FAM167A: variants seen among roughly 807,000 people sequenced by gnomAD.
The protein encoded by FAM167A is family with sequence similarity 167 member A.
In FAM167A, 23 loss-of-function variants were observed where a neutral mutation model predicts 14.9. The observed-to-expected ratio is 1.55, with a 90% CI of 1.11 to 2.19. FAM167A has a LOEUF of 2.19. FAM167A is among the 30% of genes most tolerant of loss of function. The probability of loss-of-function intolerance (pLI) is 0.00; values close to 1 mark genes in which losing one functional copy is unlikely to be tolerated. For missense variants in FAM167A, 401 were observed against 281.5 expected (o/e 1.42, Z -3.04); for synonymous variants, 174 against 117.7 (o/e 1.48, Z -3.10).
chr8:11,446,829 C>G lies in FAM167A; in HGVS notation c.-397-2021G>C, dbSNP rs532861655. Reference sequence around the variant, plus strand: ...TTCTGGGGCCCCTCCCAGGCGCCGTCTGCCTCTTTGCTGAGGTGCCAGGAT... The same window carrying G: ...TTCTGGGGCCCCTCCCAGGCGCCGTGTGCCTCTTTGCTGAGGTGCCAGGAT... On this transcript the variant is annotated intron_variant, in intron 1 of 2. Transcript: ENST00000284486. Among the ~76,000 whole-genome samples the G allele has an allele frequency of 2.0e-5, 3 of 152,386 alleles. No individual in the cohort carries two copies. The South Asian group carries it at 6.2e-4, about 32-fold the overall frequency.
At chr8:11,445,890 G>C (rs1024049448) in intron 1 of FAM167A, among the ~76,000 whole-genome samples, 4 of 152,058 alleles carry the variant, frequency 2.6e-5, no homozygotes, top group South Asian at 2.1e-4. Context: ...AATGATGTTT[G>C]AGATAAAGCT....
intron 2 of FAM167A, among the ~76,000 whole-genome samples, chr8:11,435,268 G>C (rs1350909394): frequency 6.6e-6 from 1 of 152,172 alleles, no homozygotes; most frequent in Non-Finnish European, 1.5e-5. Context: ...TCTCCCTGCA[G>C]AGGGGATGAC....
chr8:11,427,887 C>G (rs2116995124), intron 2 of FAM167A, among the ~76,000 whole-genome samples: 1 of 152,256 alleles, frequency 6.6e-6, no homozygotes, highest in Non-Finnish European at 1.5e-5. Context: ...TAGAATAGCA[C>G]CAAATTAATG....
chr8:11,434,588 C>A (rs990236082), intron 2 of FAM167A, among the ~76,000 whole-genome samples: 1 of 152,168 alleles, frequency 6.6e-6, no homozygotes, highest in African/African-American at 2.4e-5. Context: ...TTAAGCTCTA[C>A]CCCTGTGATC....
chr8:11,434,777 C>T (rs1269424114), intron 2 of FAM167A: 4 of 321,922 alleles, frequency 1.2e-5, no homozygotes, highest in South Asian at 5.3e-5. Context: ...GGACAGGTGG[C>T]ATGTGCCCTA....
chr8:11,464,314 G>T (rs545249079), intron 1 of FAM167A, among the ~76,000 whole-genome samples: 1 of 152,312 alleles, frequency 6.6e-6, no homozygotes, highest in African/African-American at 2.4e-5. Flanking sequence ...GCTGAGACCT[G>T]CGGCCTACCT....
At chr8:11,433,692 C>G (rs1423608028) in intron 2 of FAM167A, among the ~76,000 whole-genome samples, 3 of 152,118 alleles carry the variant, frequency 2.0e-5, no homozygotes, top group African/African-American at 4.8e-5. Context: ...TGTCTGGTCC[C>G]TTAAAGTCAG....
intron 2 of FAM167A, among the ~76,000 whole-genome samples, chr8:11,442,358 G>A (rs925430772): frequency 2.0e-5 from 3 of 152,262 alleles, no homozygotes; most frequent in South Asian, 2.1e-4. Flanking sequence ...TCGGTGTGGC[G>A]TAGGCTTTGG....
chr8:11,474,065 G>A (rs531441410), intron 1 of FAM167A, among the ~76,000 whole-genome samples: 79 of 152,198 alleles, frequency 5.2e-4, no homozygotes, highest in Admixed American at 1.0e-3. Context: ...AGTAGAGATG[G>A]GGTTTCACCA....
At chr8:11,442,433 G>A (rs1337902923) in intron 2 of FAM167A, among the ~76,000 whole-genome samples, 3 of 152,300 alleles carry the variant, frequency 2.0e-5, no homozygotes, top group East Asian at 3.9e-4. Context: ...AGGACGATAA[G>A]CAGGACAAAT....
At chr8:11,432,886 A>G (rs1805711126) in intron 2 of FAM167A, among the ~76,000 whole-genome samples, 1 of 152,212 alleles carries the variant, frequency 6.6e-6, no homozygotes, top group Non-Finnish European at 1.5e-5. Context: ...TGCAGCCATA[A>G]AAAAGGATGA....
chr8:11,423,861 C>G lies in FAM167A; in HGVS notation c.*512G>C, dbSNP rs1306928796. 3 of 157,578 alleles carry G rather than the reference C, an allele frequency of 1.9e-5. No individual in the cohort carries two copies. In the South Asian group the frequency reaches 5.7e-4, roughly 30 times the overall value. The allele number at this position is 157,578 out of a possible 1,614,324, so 9.8% of individuals were successfully genotyped here. ...CCTTTCGATTTTCCCTTCCTAGTAG[C>G]TCCCTGTCAATGTTGCTGAGTCATG... On this transcript the variant is annotated 3_prime_UTR_variant, in exon 3 of 3. Coordinates refer to ENST00000284486, the MANE Select transcript of FAM167A (RefSeq NM_053279.3).
Position 11,424,607 on chromosome 8 carries a change from C to A in FAM167A, c.411G>T (p.Leu137=), listed in dbSNP as rs940693820. The change falls in exon 3 of 3, where the codon CTG becomes CTT. Residue 137 remains leucine (L), a synonymous_variant. Coordinates refer to ENST00000284486, the MANE Select transcript of FAM167A (RefSeq NM_053279.3). ...LTEMRLQDQQ[L]ARQLMRLRGD... ...CACGCAGGCGCATGAGCTGTCTGGC[C>A]AGTTGCTGGTCCTGCAGCCGCATCT... is the stretch of plus-strand genomic sequence containing the variant. The A allele has an allele frequency of 1.9e-6, 3 of 1,613,880 alleles. No individual in the cohort carries two copies. In the Admixed American group the frequency reaches 5.0e-5, roughly 27 times the overall value.
At chr8:11,456,669 G>C (rs1807325922) in intron 1 of FAM167A, among the ~76,000 whole-genome samples, 1 of 151,826 alleles carries the variant, frequency 6.6e-6, no homozygotes, top group African/African-American at 2.4e-5. Flanking sequence ...CTCTGGGTAT[G>C]GCTAGGGCTG....
upstream of FAM167A, among the ~76,000 whole-genome samples, chr8:11,472,477 T>C (rs1399133039): frequency 1.3e-5 from 2 of 149,550 alleles, no homozygotes; most frequent in African/African-American, 5.0e-5. Flanking sequence ...TCTCTCTCTG[T>C]TGCCCAGGCT....
At chr8:11,425,237 C>T (rs1317486315) in intron 2 of FAM167A, among the ~76,000 whole-genome samples, 1 of 152,196 alleles carries the variant, frequency 6.6e-6, no homozygotes, top group Non-Finnish European at 1.5e-5. Context: ...GGTCTATTAA[C>T]ATGCAACAGT....
At chr8:11,451,937 T>A (rs1807041985) in intron 1 of FAM167A, among the ~76,000 whole-genome samples, 1 of 152,230 alleles carries the variant, frequency 6.6e-6, no homozygotes, top group Admixed American at 6.5e-5. Context: ...ATAATGTCAT[T>A]TTCTCTTGCT....
At chr8:11,467,228 G>T (rs765636620), upstream of FAM167A, among the ~76,000 whole-genome samples, 6 of 152,272 alleles carry the variant, frequency 3.9e-5, no homozygotes, top group South Asian at 2.1e-4. Flanking sequence ...GGCATCTCTG[G>T]CTGCCAGATG....
upstream of FAM167A, among the ~76,000 whole-genome samples, chr8:11,469,826 G>T (rs543370772): frequency 7.2e-5 from 11 of 152,056 alleles, no homozygotes; most frequent in Admixed American, 7.2e-4. Context: ...GTTGCAGTCA[G>T]CCATGATTGC....
Sources: allele counts gnomAD v4.1 joint callset (sites outside exome capture counted in the v4.1 genomes callset), GRCh38; gene constraint gnomAD v4.1.1; transcripts MANE v1.5; gene names NCBI Gene and HGNC (gene_info 2026-07-23, HGNC 2026-07-21).